The following RGS7 variants were observed in gnomAD, a reference collection of about 807,000 sequenced individuals.
RGS7 encodes the protein regulator of G-protein signaling 7.
RGS7 carries 27 observed loss-of-function variants against 81.1 expected under a neutral mutation model. That is an observed-to-expected ratio of 0.33 (90% CI 0.25 to 0.46). RGS7 has a LOEUF of 0.46. RGS7 is among the 20% of genes least tolerant of loss of function. The pLI, the probability that RGS7 is intolerant of heterozygous loss-of-function variation, is 1.00. For synonymous variants in RGS7, 208 were observed against 207.7 expected, an observed-to-expected ratio of 1.00 and a Z score of -0.01; for missense variants, 396 against 607.4, an observed-to-expected ratio of 0.65 and a Z score of 3.66.
At chr1:240,932,787 T>C (rs1382879956) in intron 5 of RGS7, among the ~76,000 whole-genome samples, 14 of 150,020 alleles carry the variant, frequency 9.3e-5, no homozygotes, top group South Asian at 2.1e-4. Context: ...GGATTACAGG[T>C]GTGAGCCACT....
intron 6 of RGS7, among the ~76,000 whole-genome samples, chr1:240,877,564 A>G (rs1665651908): frequency 6.6e-6 from 1 of 152,088 alleles, no homozygotes; most frequent in African/African-American, 2.4e-5. Context: ...TTTCATATCA[A>G]TAAGTGCTGG....
intron 5 of RGS7, among the ~76,000 whole-genome samples, chr1:240,934,007 A>T (rs1379500494): frequency 2.0e-5 from 3 of 152,170 alleles, no homozygotes; most frequent in African/African-American, 7.2e-5. Flanking sequence ...TCTGTCACCC[A>T]GGCTGGAGTG....
Position 240,868,144 on chromosome 1 carries a change from A to AAGAAAG in RGS7, c.609+437_609+442dup. On this transcript the variant is annotated intron_variant, in intron 9 of 18. Coordinates refer to ENST00000440928, the MANE Select transcript of RGS7 (RefSeq NM_001364886.1). This position sits in a 1 kb window ranked among gnomAD's most constrained non-coding sequence, Gnocchi z 5.1. ...AAAGAAAGAAAGAAAGAAAGAAAGA[A>AAGAAAG]AGAAAGAAAGAAAGGACGGAGGGAG... 1.7e-5 allele frequency among the ~76,000 whole-genome samples: 2 copies of AAGAAAG among 118,318 alleles called. No individual in the cohort carries two copies. Among genetic ancestry groups the AAGAAAG allele is most frequent in the South Asian group, 4.9e-4 (2 of 4,084 alleles). The allele number at this position is 118,318 out of a possible 152,430, so 77.6% of individuals were successfully genotyped here. A position where few individuals can be genotyped will look rare whatever the true frequency, so the allele number is the denominator to read the frequency against.
Position 241,031,590 on chromosome 1 carries a change from C to T in RGS7, c.176-48461G>A, listed in dbSNP as rs114246647. Among the ~76,000 whole-genome samples, 948 of 152,258 alleles carry T rather than the reference C, an allele frequency of 6.2e-3. 12 individuals carry two copies. Among genetic ancestry groups the T allele is most frequent in the African/African-American group, 0.022 (919 of 41,552 alleles). ...TAGAAGTACTAATTTGCATTTCCAC[C>T]CACATTGTATAAACGTTCCTTTTTC... On this transcript the variant is annotated intron_variant, in intron 3 of 18. Coordinates refer to ENST00000440928, the MANE Select transcript of RGS7 (RefSeq NM_001364886.1).
intron 2 of RGS7, among the ~76,000 whole-genome samples, chr1:241,266,718 A>C (rs1394714927): frequency 6.6e-6 from 1 of 152,208 alleles, no homozygotes; most frequent in African/African-American, 2.4e-5. Context: ...TCATTCATTC[A>C]ACTAACATTT....
chr1:241,129,976 A>G (rs12064291), intron 2 of RGS7, among the ~76,000 whole-genome samples: 17,832 of 152,166 alleles, frequency 0.12, 3,447 homozygotes, highest in African/African-American at 0.4. Context: ...GTGTCTTCTG[A>G]GTATTTTAGA....
At chr1:241,222,015 T>C (rs576217426) in intron 2 of RGS7, among the ~76,000 whole-genome samples, 2 of 152,286 alleles carry the variant, frequency 1.3e-5, no homozygotes, top group East Asian at 1.9e-4. Context: ...CCCTGACTAA[T>C]ACAATGAATT....
At chr1:240,795,224 A>G (rs111755983) in intron 18 of RGS7, among the ~76,000 whole-genome samples, 8 of 76,460 alleles carry the variant, frequency 1.0e-4, no homozygotes, top group African/African-American at 3.5e-4. Context: ...ACCACCAACA[A>G]AAATCAAACC....
At chr1:240,872,468 T>C (rs1045175218) in intron 6 of RGS7, among the ~76,000 whole-genome samples, 1 of 151,630 alleles carries the variant, frequency 6.6e-6, no homozygotes, top group Non-Finnish European at 1.5e-5. Flanking sequence ...CTTAAAAAAA[T>C]AAAATAAAAT....
intron 2 of RGS7, among the ~76,000 whole-genome samples, chr1:241,329,822 T>C (rs970443171): frequency 6.6e-5 from 10 of 152,204 alleles, no homozygotes. Context: ...GGATCATAGA[T>C]ATAAAACATA....
chr1:241,248,552 T>C (rs2076672978), intron 2 of RGS7, among the ~76,000 whole-genome samples: 1 of 152,042 alleles, frequency 6.6e-6, no homozygotes, highest in Non-Finnish European at 1.5e-5. Context: ...CTGATCTTCG[T>C]TACTTTGTCC....
In RGS7 at chr1:240,935,922, T is replaced by C. The variant is rs79545693; in HGVS notation, c.333+678A>G. 9.6e-3 allele frequency among the ~76,000 whole-genome samples: 1,462 copies of C among 152,330 alleles called. 26 individuals are homozygous for C. Among genetic ancestry groups the C allele is most frequent in the African/African-American group, 0.033 (1,389 of 41,558 alleles). ...CAGGCTAGAATCTGCTAATCAGTTA[T>C]TAATGAGCCATAATGTCTACTGAAA... On this transcript the variant is annotated intron_variant, in intron 5 of 18. Coordinates refer to ENST00000440928, the MANE Select transcript of RGS7 (RefSeq NM_001364886.1).
intron 2 of RGS7, among the ~76,000 whole-genome samples, chr1:241,327,128 AAGAAAGAAAG>A (rs1173542818): frequency 4.4e-5 from 5 of 113,682 alleles, no homozygotes; most frequent in Admixed American, 8.3e-5. Context: ...GAAAGAAAGA[AAGAAAGAAAG>A]AAAGAAAGGA....
intron 6 of RGS7, among the ~76,000 whole-genome samples, chr1:240,903,226 T>C (rs937893195): frequency 1.3e-5 from 2 of 152,314 alleles, no homozygotes; most frequent in Admixed American, 1.3e-4. Flanking sequence ...TCATCAGTGC[T>C]GTCTGCTAGA....
At chr1:241,282,504 A>T (rs1361870231) in intron 2 of RGS7, among the ~76,000 whole-genome samples, 1 of 152,208 alleles carries the variant, frequency 6.6e-6, no homozygotes, top group Non-Finnish European at 1.5e-5. Flanking sequence ...CTACATAGAC[A>T]ATCACGTCAT....
chr1:241,350,549 T>A (rs897177190), intron 2 of RGS7, among the ~76,000 whole-genome samples: 1 of 152,076 alleles, frequency 6.6e-6, no homozygotes, highest in East Asian at 1.9e-4. Flanking sequence ...TTGTCCCTTG[T>A]ATATATTCCT....
chr1:240,802,455 C>T (rs915531080), intron 16 of RGS7, among the ~76,000 whole-genome samples: 14 of 152,066 alleles, frequency 9.2e-5, no homozygotes, highest in South Asian at 2.1e-4. Flanking sequence ...GCAAACATTC[C>T]GACATTTTGT....
intron 3 of RGS7, chr1:240,998,694 G>A (rs1371791441): frequency 1.7e-6 from 2 of 1,150,170 alleles, no homozygotes; most frequent in East Asian, 5.2e-5. Flanking sequence ...TACACCGGCT[G>A]CTTTAATGAG....
At chr1:241,287,517 CTG>C (rs1425752790) in intron 2 of RGS7, among the ~76,000 whole-genome samples, 1 of 152,208 alleles carries the variant, frequency 6.6e-6, no homozygotes, top group East Asian at 1.9e-4. Flanking sequence ...CCATGTGGAA[CTG>C]TGAGTCAATT....
Sources: gnomAD v4.1 joint callset for allele counts (sites outside exome capture counted in the v4.1 genomes callset) on GRCh38, gnomAD v4.1.1 for gene constraint, Gnocchi (gnomAD v3.1) non-coding constraint, MANE v1.5 for transcripts, NCBI Gene and HGNC (gene_info 2026-07-23, HGNC 2026-07-21) for gene names.